The following ZNF469 variants were observed in gnomAD, a reference collection of about 807,000 sequenced individuals.
ZNF469 encodes the protein zinc finger protein 469.
A neutral mutation model predicts 1.0 loss-of-function variants in ZNF469; 1 was observed. The observed-to-expected ratio is 1.00, with a 90% CI of 0.35 to 4.73. The LOEUF is 4.73. Among genes scored for constraint, ZNF469 ranks in the 30% most tolerant of loss-of-function variants. The pLI is 0.16. For missense variants in ZNF469, 6,100 were observed against 5,356.3 expected (o/e 1.14, Z -4.33); for synonymous variants, 2,703 against 2,363.4 (o/e 1.14, Z -4.17).
chr16:88,293,385 T>G, the ZNF469 span, among the ~76,000 whole-genome samples: 2,974 of 150,568 alleles, frequency 0.02, 94 homozygotes, highest in African/African-American at 0.069. Flanking sequence ...GAATGGATAG[T>G]TAGGTGGATG....
the ZNF469 span, among the ~76,000 whole-genome samples, chr16:88,130,363 C>T: frequency 1.7e-3 from 257 of 152,206 alleles, 1 homozygote; most frequent in African/African-American, 6.0e-3. Flanking sequence ...GAAACCACCA[C>T]GCAGGCAGAA....
Position 88,429,601 on chromosome 16 carries a change from C to G in ZNF469, c.2131C>G (p.Pro711Ala). 6.5e-7 allele frequency: 1 copy of G among 1,549,008 alleles called. No individual in the cohort carries two copies. The highest frequency in any genetic ancestry group is 8.7e-7 in the Non-Finnish European group (1 of 1,146,240). ...GCAGGGCTTCCCCCGTGCGCCGCCT[C>G]CGTACCCCACACACCACTTCTCCCT... ...GLQGFPRAPP[P>A]YPTHHFSLSS... The change falls in exon 3 of 3, where the codon CCG (proline) becomes GCG (alanine). Residue 711 changes from proline (P) to alanine (A), a missense_variant. Physicochemically the swap from Pro to Ala is conservative, Grantham distance 27 (BLOSUM62 -1). Coordinates refer to ENST00000565624, the MANE Select transcript of ZNF469 (RefSeq NM_001367624.2).
chr16:88,246,584 C>T, the ZNF469 span, among the ~76,000 whole-genome samples: 3 of 152,202 alleles, frequency 2.0e-5, no homozygotes, highest in Non-Finnish European at 4.4e-5. Flanking sequence ...ATCACTGGCA[C>T]CAACCCAGAA....
the ZNF469 span, among the ~76,000 whole-genome samples, chr16:88,113,916 T>G: frequency 1.3e-5 from 2 of 152,188 alleles, no homozygotes; most frequent in African/African-American, 4.8e-5. Flanking sequence ...CTGAGAGTGC[T>G]GTGGGACTGG....
At chr16:88,115,886 C>T in the ZNF469 span, among the ~76,000 whole-genome samples, 1 of 152,254 alleles carries the variant, frequency 6.6e-6, no homozygotes, top group African/African-American at 2.4e-5. Context: ...GCTCTCATCT[C>T]TGCCTTTATC....
At chr16:88,131,331 C>A in the ZNF469 span, among the ~76,000 whole-genome samples, 2 of 151,526 alleles carry the variant, frequency 1.3e-5, no homozygotes, top group Non-Finnish European at 2.9e-5. Flanking sequence ...GTCGCCTAAG[C>A]CCTTGTGACA....
chr16:88,236,723 C>T, the ZNF469 span, among the ~76,000 whole-genome samples: 2 of 151,900 alleles, frequency 1.3e-5, no homozygotes, highest in African/African-American at 2.4e-5. Context: ...AAAAATTAGC[C>T]GGGCGTGGTG....
chr16:88,256,926 CTTTCTTTCTTTCTTTCTTTCTTTCT>C, the ZNF469 span, among the ~76,000 whole-genome samples: 2,464 of 9,970 alleles, frequency 0.25, 170 homozygotes, highest in African/African-American at 0.32. Context: ...TTCTTTCTTT[CTTTCTTTCTTTCTTTCTTTCTTTCT>C]TTTCTTTTCT....
At chr16:88,264,379 C>T in the ZNF469 span, among the ~76,000 whole-genome samples, 1 of 151,924 alleles carries the variant, frequency 6.6e-6, no homozygotes, top group African/African-American at 2.4e-5. Flanking sequence ...TCCCATGGCC[C>T]CCTTTGAGGT....
the ZNF469 span, among the ~76,000 whole-genome samples, chr16:88,124,095 A>G: frequency 6.6e-6 from 1 of 150,714 alleles, no homozygotes; most frequent in African/African-American, 2.4e-5. Flanking sequence ...GAGCCAACGC[A>G]CCCAGCCAGT....
chr16:88,274,767 G>A, the ZNF469 span, among the ~76,000 whole-genome samples: 6 of 152,218 alleles, frequency 3.9e-5, no homozygotes, highest in Admixed American at 1.3e-4. Flanking sequence ...TTCTTTCACC[G>A]TAGCTTCATG....
At chr16:88,232,874 C>G in the ZNF469 span, among the ~76,000 whole-genome samples, 1 of 152,242 alleles carries the variant, frequency 6.6e-6, no homozygotes. Flanking sequence ...TCGCATATTG[C>G]GCCCCAGCCT....
In ZNF469 at chr16:88,434,786, T is replaced by C. The variant is rs1208728102; in HGVS notation, c.7316T>C (p.Leu2439Pro). The stretch of plus-strand genomic sequence containing the variant: ...CACCAGACTCCCCAGGGGGACCCCC[T>C]CGGCCCCCAAGACCTCAAACAGAGG... ...ASHQTPQGDP[L>P]GPQDLKQRSR... Residue 2439 changes from leucine to proline, a missense_variant, in exon 3 of 3, where the codon CTC becomes CCC. Coordinates refer to ENST00000565624, the MANE Select transcript of ZNF469 (RefSeq NM_001367624.2). 3.9e-6 allele frequency: 6 copies of C among 1,549,942 alleles called. No individual in the cohort carries two copies. The South Asian group carries it at 7.1e-5, about 18-fold the overall frequency.
At chr16:88,145,096 C>T in the ZNF469 span, among the ~76,000 whole-genome samples, 1 of 151,924 alleles carries the variant, frequency 6.6e-6, no homozygotes, top group Non-Finnish European at 1.5e-5. Context: ...GTGATCCGCC[C>T]ACCTCAGCTT....
At chr16:88,229,108 G>T in the ZNF469 span, among the ~76,000 whole-genome samples, 1 of 152,282 alleles carries the variant, frequency 6.6e-6, no homozygotes, top group African/African-American at 2.4e-5. Context: ...AATTTATTTT[G>T]CACTTCACTA....
the ZNF469 span, among the ~76,000 whole-genome samples, chr16:88,156,019 A>G: frequency 3.3e-5 from 5 of 152,172 alleles, no homozygotes; most frequent in African/African-American, 1.2e-4. Context: ...GTACCTTTCC[A>G]TGTGCTTGCT....
At chr16:88,110,318 C>A in the ZNF469 span, among the ~76,000 whole-genome samples, 2 of 152,220 alleles carry the variant, frequency 1.3e-5, no homozygotes. Flanking sequence ...TGACAAGTTG[C>A]AGGTGGTCCG....
the ZNF469 span, among the ~76,000 whole-genome samples, chr16:88,147,955 G>C: frequency 2.0e-5 from 3 of 151,828 alleles, no homozygotes; most frequent in Non-Finnish European, 4.4e-5. Flanking sequence ...GTACACCAGC[G>C]GTCACCTGTC....
intron 1 of ZNF469, among the ~76,000 whole-genome samples, chr16:88,417,616 C>A (rs954373985): frequency 6.6e-6 from 1 of 152,230 alleles, no homozygotes; most frequent in Non-Finnish European, 1.5e-5. Context: ...TCTTCCTACA[C>A]CCTTTGGGCA....
Sources: allele counts gnomAD v4.1 joint callset (sites outside exome capture counted in the v4.1 genomes callset), GRCh38; gene constraint gnomAD v4.1.1; transcripts MANE v1.5; gene names NCBI Gene and HGNC (gene_info 2026-07-23, HGNC 2026-07-21).